The following RBFOX1 variants were observed in gnomAD, a reference collection of about 807,000 sequenced individuals.
The protein encoded by RBFOX1 is RNA binding fox-1 homolog 1.
A neutral mutation model predicts 57.7 loss-of-function variants in RBFOX1; 8 were observed. The ratio of observed to expected loss-of-function variants is 0.14; its 90% confidence interval spans 0.08 to 0.25. The LOEUF (loss-of-function observed/expected upper bound fraction) is 0.25, where lower values mean the gene tolerates loss of function less well. Ranked by LOEUF, RBFOX1 falls within the 10% of genes least tolerant of loss-of-function variation. RBFOX1 has a pLI of 1.00. For synonymous variants in RBFOX1, 326 were observed against 222.4 expected (o/e 1.47, Z -4.15); for missense variants, 611 against 548.5 (o/e 1.11, Z -1.14).
chr16:6,100,414 G>T (rs2096291297), intron 1 of RBFOX1, among the ~76,000 whole-genome samples: 1 of 152,150 alleles, frequency 6.6e-6, no homozygotes, highest in Non-Finnish European at 1.5e-5. Context: ...CGCCCGCCGC[G>T]GCCTCCCAAA....
At chr16:6,549,872 C>A (rs2153870199) in intron 2 of RBFOX1, among the ~76,000 whole-genome samples, 1 of 152,216 alleles carries the variant, frequency 6.6e-6, no homozygotes, top group Non-Finnish European at 1.5e-5. Context: ...AGTAGAGAGA[C>A]CTTCTCATGG....
intron 3 of RBFOX1, among the ~76,000 whole-genome samples, chr16:5,832,209 A>G (rs1319752988): frequency 6.6e-6 from 1 of 152,240 alleles, no homozygotes; most frequent in East Asian, 1.9e-4. Context: ...CTGGAGCTCA[A>G]CAGATATGGG....
intron 10 of RBFOX1, among the ~76,000 whole-genome samples, chr16:7,628,703 C>T (rs1351240842): frequency 6.6e-6 from 1 of 152,098 alleles, no homozygotes; most frequent in Middle Eastern, 3.2e-3. Flanking sequence ...ACCTCCACCT[C>T]CTGGGTTCAA....
Position 7,139,176 on chromosome 16 carries a change from C to CTCTCTCTCTCTCTGTGTGTG in RBFOX1, c.27+87079_27+87080insCTCTCTCTCTCTGTGTGTGT, listed in dbSNP as rs372381673. Among the ~76,000 whole-genome samples the CTCTCTCTCTCTCTGTGTGTG allele has an allele frequency of 8.1e-4, 118 of 145,880 alleles. No homozygotes were observed. In the South Asian group the frequency reaches 0.011, roughly 13 times the overall value. On this transcript the variant is annotated intron_variant, in intron 4 of 15. Transcript: ENST00000550418. ...TAATGCAGATGAAATCAATCTCTCT[C>CTCTCTCTCTCTCTGTGTGTG]TGTGTGTGTGTGTGTGTGTGTATGT...
At chr16:6,775,048 G>T (rs1248528583) in intron 3 of RBFOX1, among the ~76,000 whole-genome samples, 1 of 151,860 alleles carries the variant, frequency 6.6e-6, no homozygotes, top group Non-Finnish European at 1.5e-5. Flanking sequence ...AGACAAGGCA[G>T]GGCGCAGTGG....
intron 3 of RBFOX1, among the ~76,000 whole-genome samples, chr16:6,669,892 T>C (rs12449029): frequency 0.23 from 34,602 of 152,104 alleles, 4,167 homozygotes; most frequent in East Asian, 0.28. Flanking sequence ...CTTATCATCC[T>C]AAGTAACCGA....
intron 1 of RBFOX1, among the ~76,000 whole-genome samples, chr16:6,061,034 G>T (rs2095679014): frequency 6.6e-6 from 1 of 152,108 alleles, no homozygotes; most frequent in Admixed American, 6.6e-5. Flanking sequence ...GTCCAGCCCT[G>T]CCCACCACAC....
intron 5 of RBFOX1, among the ~76,000 whole-genome samples, chr16:7,541,543 G>C (rs1507027): frequency 6.6e-6 from 1 of 151,798 alleles, no homozygotes; most frequent in South Asian, 2.1e-4. Flanking sequence ...ATATATGTCC[G>C]TTTGCATTGA....
intron 4 of RBFOX1, among the ~76,000 whole-genome samples, chr16:7,357,011 C>G (rs891534338): frequency 3.9e-5 from 6 of 152,170 alleles, no homozygotes; most frequent in Admixed American, 6.5e-5. Flanking sequence ...CCATTTCACA[C>G]CAGCAGAAAG....
chr16:6,921,645 A>ATTT (rs372298051), intron 3 of RBFOX1, among the ~76,000 whole-genome samples: 931 of 55,252 alleles, frequency 0.017, 5 homozygotes, highest in African/African-American at 0.054. Context: ...ATATATATAT[A>ATTT]TTTTTTTTTT....
chr16:7,341,486 C>G (rs184639059), intron 4 of RBFOX1, among the ~76,000 whole-genome samples: 222 of 152,216 alleles, frequency 1.5e-3, no homozygotes, highest in African/African-American at 5.1e-3. Flanking sequence ...CCATGCCATT[C>G]GCAGTAGAGT....
intron 14 of RBFOX1, among the ~76,000 whole-genome samples, chr16:7,699,017 C>T (rs572889666): frequency 6.6e-6 from 1 of 152,190 alleles, no homozygotes. Flanking sequence ...GCACCAAAGT[C>T]ACCTGGAGAA....
At chr16:7,627,491 A>G (rs1310100148) in intron 10 of RBFOX1, among the ~76,000 whole-genome samples, 1 of 152,246 alleles carries the variant, frequency 6.6e-6, no homozygotes, top group Non-Finnish European at 1.5e-5. Context: ...CATGTGATAC[A>G]AATGAAGGTT....
chr16:6,564,472 A>G (rs1168679231), intron 2 of RBFOX1, among the ~76,000 whole-genome samples: 1 of 41,846 alleles, frequency 2.4e-5, no homozygotes, highest in African/African-American at 4.8e-5. Flanking sequence ...AAACAAACAA[A>G]AACAAACAAA....
At chr16:6,912,275 G>A (rs547780234) in intron 3 of RBFOX1, among the ~76,000 whole-genome samples, 4 of 152,294 alleles carry the variant, frequency 2.6e-5, no homozygotes, top group Admixed American at 6.5e-5. Context: ...TTAAAATGAA[G>A]GTTGCTGTGC....
At chr16:7,198,270 C>G (rs6500921) in intron 4 of RBFOX1, among the ~76,000 whole-genome samples, 93,558 of 151,882 alleles carry the variant, frequency 0.62, 29,095 homozygotes, top group African/African-American at 0.68. Flanking sequence ...CTCCCAAAGT[C>G]CTGGGATTAC....
At chr16:7,680,720 T>C (rs2074510817) in intron 14 of RBFOX1, among the ~76,000 whole-genome samples, 1 of 152,206 alleles carries the variant, frequency 6.6e-6, no homozygotes, top group African/African-American at 2.4e-5. Context: ...TTTTGGATTC[T>C]GAGGCCTTAA....
intron 1 of RBFOX1, among the ~76,000 whole-genome samples, chr16:6,072,960 T>G (rs1324641654): frequency 6.6e-6 from 1 of 152,138 alleles, no homozygotes; most frequent in Non-Finnish European, 1.5e-5. Context: ...TGTGCAGTAT[T>G]TTGTGTGTCA....
At chr16:5,459,771 C>T (rs1422271374) in intron 1 of RBFOX1, among the ~76,000 whole-genome samples, 1 of 152,072 alleles carries the variant, frequency 6.6e-6, no homozygotes, top group East Asian at 1.9e-4. Context: ...ACATTCACAC[C>T]ATGACCTACC....
Sources: gnomAD v4.1 joint callset for allele counts (sites outside exome capture counted in the v4.1 genomes callset) on GRCh38, gnomAD v4.1.1 for gene constraint, MANE v1.5 for transcripts, NCBI Gene and HGNC (gene_info 2026-07-23, HGNC 2026-07-21) for gene names.